The following DHRS12 variants were observed in gnomAD, a reference collection of about 807,000 sequenced individuals.
The protein encoded by DHRS12 is dehydrogenase/reductase 12.
DHRS12 carries 29 observed loss-of-function variants against 32.1 expected under a neutral mutation model. The observed-to-expected ratio is 0.90, with a 90% CI of 0.67 to 1.23. The LOEUF (loss-of-function observed/expected upper bound fraction) is 1.23. DHRS12 is among the 50% of genes most tolerant of loss of function. The pLI is 0.00. For synonymous variants in DHRS12, 150 were observed against 135.9 expected, an observed-to-expected ratio of 1.10 and a Z score of -0.72; for missense variants, 330 against 337.2, an observed-to-expected ratio of 0.98 and a Z score of 0.17.
chr13:51,768,405 CCTACAGCT>C (rs1291193281), intron 8 of DHRS12, 109 bp from the exon 9 acceptor site: 45 of 1,492,706 alleles, frequency 3.0e-5, no homozygotes, highest in Admixed American at 4.3e-5. Context: ...GTGGCAGCAC[CCTACAGCT>C]GTTAGACCCC....
chr13:51,773,321 T>A (rs573391401), intron 6 of DHRS12, among the ~76,000 whole-genome samples: 1 of 152,342 alleles, frequency 6.6e-6, no homozygotes, highest in Admixed American at 6.5e-5. Context: ...ACAATATTTT[T>A]AAAATAATGT....
intron 7 of DHRS12, among the ~76,000 whole-genome samples, chr13:51,769,579 C>G (rs1319819427): frequency 6.6e-6 from 1 of 152,050 alleles, no homozygotes; most frequent in Non-Finnish European, 1.5e-5. Flanking sequence ...CAGAGTCGCC[C>G]GCAGAGCCCT....
At chr13:51,759,318 T>C in the DHRS12 span, among the ~76,000 whole-genome samples, 18 of 152,286 alleles carry the variant, frequency 1.2e-4, 1 homozygote, top group South Asian at 3.7e-3. Flanking sequence ...AGTTAATGGA[T>C]TGAGTTATTT....
chr13:51,787,383 G>A (rs1440296612), intron 4 of DHRS12, among the ~76,000 whole-genome samples: 1 of 151,990 alleles, frequency 6.6e-6, no homozygotes, highest in Non-Finnish European at 1.5e-5. Flanking sequence ...TCTCTGAGAG[G>A]TGCCCCCAAA....
chr13:51,789,819 C>A (rs74803263), intron 4 of DHRS12, 192 bp downstream of exon 4: 1 of 985,152 alleles, frequency 1.0e-6, no homozygotes, highest in Non-Finnish European at 1.2e-6. Flanking sequence ...GGCACCAACA[C>A]CTATTATAAG....
intron 4 of DHRS12, among the ~76,000 whole-genome samples, chr13:51,780,585 A>G (rs989257631): frequency 1.4e-4 from 22 of 152,238 alleles, no homozygotes; most frequent in Admixed American, 5.2e-4. Context: ...ATTACGAGAA[A>G]GAGATCTGGC....
intron 4 of DHRS12, among the ~76,000 whole-genome samples, chr13:51,788,623 T>C (rs1955108779): frequency 1.3e-5 from 2 of 151,942 alleles, no homozygotes; most frequent in Non-Finnish European, 2.9e-5. Context: ...GGCAGGAGGA[T>C]TGCTAGAGGC....
At chr13:51,798,954 AC>A (rs1955630927) in intron 2 of DHRS12, among the ~76,000 whole-genome samples, 1 of 152,220 alleles carries the variant, frequency 6.6e-6, no homozygotes, top group South Asian at 2.1e-4. Flanking sequence ...TTTACAGTGC[AC>A]CTGAAGCACC....
At position 51,792,046 on chromosome 13, in the gene DHRS12, G is replaced by A. The variant is rs546670664; in HGVS notation, c.127-789C>T. Among the ~76,000 whole-genome samples the A allele has an allele frequency of 9.8e-5, 15 of 152,326 alleles. No individual in the cohort carries two copies. In the East Asian group the frequency reaches 2.7e-3, roughly 27 times the overall value. ...CCACATCTTGGCTATTGTGAATAAT[G>A]CTGCAATGGACGTGAAGGTGCTAAT... On this transcript the variant is annotated intron_variant, in intron 2 of 8. Coordinates refer to ENST00000444610, the MANE Select transcript of DHRS12 (RefSeq NM_001377533.1).
chr13:51,762,568 T>C, the DHRS12 span: 13 of 152,242 alleles, frequency 8.5e-5, no homozygotes, highest in Non-Finnish European at 1.5e-5. Context: ...GTCTCCCCCA[T>C]TTTTGTAATT....
chr13:51,772,774 C>A lies in DHRS12; in HGVS notation c.469-863G>T. On this transcript the variant is annotated intron_variant, in intron 6 of 8. Coordinates refer to ENST00000444610, the MANE Select transcript of DHRS12 (RefSeq NM_001377533.1). ...GAACTCCATCTCTGGGCCTCATTTACAAGTGGATGGTTTATTCCCATGTCC... is the reference window on the plus strand; with the variant it reads ...GAACTCCATCTCTGGGCCTCATTTAAAAGTGGATGGTTTATTCCCATGTCC... 3 of 985,464 alleles carry A rather than the reference C, an allele frequency of 3.0e-6. No homozygotes were observed. In the African/African-American group the frequency reaches 5.2e-5, roughly 17 times the overall value. The allele number at this position is 985,464 out of a possible 1,614,324, so 61.0% of individuals were successfully genotyped here. A position where few individuals can be genotyped will look rare whatever the true frequency, so the allele number is the denominator to read the frequency against.
At chr13:51,785,614 T>C (rs1426282307) in intron 4 of DHRS12, among the ~76,000 whole-genome samples, 1 of 152,210 alleles carries the variant, frequency 6.6e-6, no homozygotes, top group Non-Finnish European at 1.5e-5. Context: ...GGCCAGAATA[T>C]GCCTTGGTCC....
rs1046152582 is a variant in DHRS12, at chr13:51,772,951, C to T, written c.468+979G>A. On this transcript the variant is annotated intron_variant, in intron 6 of 8. Coordinates refer to ENST00000444610, the MANE Select transcript of DHRS12 (RefSeq NM_001377533.1). Reference sequence around the variant, plus strand: ...GAAGAAGTGGAGGTGCAGAGAGTCTCAGACAGGGCCACCTTCGGAAGGCAC... The same window carrying T: ...GAAGAAGTGGAGGTGCAGAGAGTCTTAGACAGGGCCACCTTCGGAAGGCAC... 3.0e-6 allele frequency: 3 copies of T among 985,364 alleles called. No individual in the cohort carries two copies. The African/African-American group carries it at 5.2e-5, about 17-fold the overall frequency. The allele number at this position is 985,364 out of a possible 1,614,324, so 61.0% of individuals were successfully genotyped here. A position where few individuals can be genotyped will look rare whatever the true frequency, so the allele number is the denominator to read the frequency against.
intron 1 of DHRS12, among the ~76,000 whole-genome samples, chr13:51,802,033 T>C (rs755212700): frequency 9.2e-5 from 14 of 152,208 alleles, no homozygotes; most frequent in Non-Finnish European, 1.8e-4. Flanking sequence ...GCCTTGGATC[T>C]TGCCTTCCAT....
At chr13:51,803,207 C>T (rs1268087876) in intron 1 of DHRS12, among the ~76,000 whole-genome samples, 1 of 152,130 alleles carries the variant, frequency 6.6e-6, no homozygotes, top group Non-Finnish European at 1.5e-5. Flanking sequence ...GCCAGGTTGC[C>T]GTGGGAACTG....
intron 6 of DHRS12, chr13:51,772,847 G>C (rs534682375): frequency 2.0e-6 from 2 of 985,440 alleles, no homozygotes; most frequent in Non-Finnish European, 2.4e-6. Context: ...GTCAGGATTT[G>C]GAGTCATGAG....
chr13:51,757,449 G>C, the DHRS12 span, among the ~76,000 whole-genome samples: 2 of 137,308 alleles, frequency 1.5e-5, no homozygotes, highest in African/African-American at 5.4e-5. Flanking sequence ...TTTAGCTATA[G>C]AAAAAAGGAA....
In DHRS12 at chr13:51,771,366, T is replaced by A. The variant is rs752208846; in HGVS notation, c.559+455A>T. The A allele has an allele frequency of 1.9e-5, 30 of 1,613,642 alleles. No homozygotes were observed. The highest frequency in any genetic ancestry group is 2.4e-5 in the Non-Finnish European group (28 of 1,179,822). ...CCCTCCACCGCTGCTCCAACACGCT[T>A]CCAGATCATTCGAGCTGTGTCCTTG... is the stretch of plus-strand genomic sequence containing the variant. On this transcript the variant is annotated intron_variant, in intron 7 of 8. Coordinates refer to ENST00000444610, the MANE Select transcript of DHRS12 (RefSeq NM_001377533.1).
chr13:51,801,483 C>G (rs745463648), intron 1 of DHRS12, among the ~76,000 whole-genome samples: 1 of 152,204 alleles, frequency 6.6e-6, no homozygotes, highest in Non-Finnish European at 1.5e-5. Context: ...CCACCGCACC[C>G]AGGTGACATT....
Sources: gnomAD v4.1 joint callset for allele counts (sites outside exome capture counted in the v4.1 genomes callset) on GRCh38, gnomAD v4.1.1 for gene constraint, MANE v1.5 for transcripts, NCBI Gene and HGNC (gene_info 2026-07-23, HGNC 2026-07-21) for gene names.